The following HSPA4L variants were observed in gnomAD, a reference collection of about 807,000 sequenced individuals.
The protein encoded by HSPA4L is heat shock 70 kDa protein 4L.
Under a neutral mutation model 100.3 loss-of-function variants are expected in HSPA4L, and 48 were observed. That is an observed-to-expected ratio of 0.48 (90% CI 0.38 to 0.61). HSPA4L has a LOEUF of 0.61. HSPA4L is among the 20% of genes least tolerant of loss of function. The pLI, the probability that HSPA4L is intolerant of heterozygous loss-of-function variation, is 0.00. For synonymous variants in HSPA4L, 319 were observed against 328.2 expected (o/e 0.97, Z 0.30); for missense variants, 886 against 988.6 (o/e 0.90, Z 1.39).
chr4:127,803,922 T>C, intron 7 of HSPA4L, 49 bp downstream of exon 7: 1 of 1,607,248 alleles, frequency 6.2e-7, no homozygotes, highest in Non-Finnish European at 8.5e-7. Flanking sequence ...TTTTATAATG[T>C]TTAGATCACG....
rs139412499 is a variant in HSPA4L at position 127,838,899 on chromosome 4, G to A, written c.*6025G>A. 3.3e-4 allele frequency: 50 copies of A among 151,946 alleles called. No homozygotes were observed. Among genetic ancestry groups the A allele is most frequent in the African/African-American group, 1.2e-3 (50 of 41,444 alleles). The allele number at this position is 151,946 out of a possible 1,614,324, so 9.4% of individuals were successfully genotyped here. On this transcript the variant is annotated 3_prime_UTR_variant, in exon 19 of 19. Coordinates refer to ENST00000296464, the MANE Select transcript of HSPA4L (RefSeq NM_014278.4). ...TTCCTTTTTAATATTTATTCTTCCC[G>A]TTAAGGGTTTTTTGGCTATAAATTC...
At position 127,838,331 on chromosome 4, in the gene HSPA4L, C is replaced by T. The variant is rs1009360267; in HGVS notation, c.*5457C>T. 2 of 152,132 alleles carry T rather than the reference C, an allele frequency of 1.3e-5. No homozygotes were observed. The highest frequency in any genetic ancestry group is 6.5e-5 in the Admixed American group (1 of 15,272). 9.4% of individuals were successfully genotyped at this position (152,132 alleles called of 1,614,324 possible). On this transcript the variant is annotated 3_prime_UTR_variant, in exon 19 of 19. Coordinates refer to ENST00000296464, the MANE Select transcript of HSPA4L (RefSeq NM_014278.4). ...AAGTGGGTGATGGCTCTTTCATCTT[C>T]CTTATCCCTAAAGATACTTCCAACA... is the stretch of plus-strand genomic sequence containing the variant.
intron 1 of HSPA4L, among the ~76,000 whole-genome samples, chr4:127,783,152 G>A (rs1239724919): frequency 1.3e-5 from 2 of 150,952 alleles, no homozygotes; most frequent in Non-Finnish European, 2.9e-5. Flanking sequence ...CGTCAGAGAT[G>A]AATTGCAGGT....
In HSPA4L at chr4:127,805,228, T is replaced by C. The variant is rs1317799174; in HGVS notation, c.1137+4T>C. ...TGCAAGAGGATGTGCGTTACAGGTA[T>C]AATTGTTATTTTATTTTTTAGAATA... On this transcript the variant is annotated splice_donor_region_variant and intron_variant, in intron 9 of 18. Coordinates refer to ENST00000296464, the MANE Select transcript of HSPA4L (RefSeq NM_014278.4). The C allele has an allele frequency of 6.3e-7, 1 of 1,589,214 alleles. No individual in the cohort carries two copies. The highest frequency in any genetic ancestry group is 1.1e-5 in the South Asian group (1 of 87,474).
At chr4:127,809,614 G>A in intron 11 of HSPA4L, 1 of 578,546 alleles carries the variant, frequency 1.7e-6, no homozygotes, top group Non-Finnish European at 3.2e-6. Context: ...ATGTGTAAGT[G>A]AAAGCAGAAA....
Position 127,782,400 on chromosome 4 carries a change from C to A in HSPA4L, c.-151C>A. ...CTCTGCTCCTTCCGCGGGTTTCCGA[C>A]TCCCTGCCCTAGATTTTCTGCTTAG... On this transcript the variant is annotated 5_prime_UTR_variant, in exon 1 of 19. Transcript: ENST00000296464. 1.6e-6 allele frequency: 1 copy of A among 642,030 alleles called. No individual in the cohort carries two copies. Among genetic ancestry groups the A allele is most frequent in the African/African-American group, 1.8e-5 (1 of 55,196 alleles). 39.8% of individuals were successfully genotyped at this position (642,030 alleles called of 1,614,324 possible). A position where few individuals can be genotyped will look rare whatever the true frequency, so the allele number is the denominator to read the frequency against.
At position 127,836,367 on chromosome 4, in the gene HSPA4L, A is replaced by AAAAAC. The variant is rs559554757; in HGVS notation, c.*3508_*3512dup. ...GGGCAACAGAGCAAGACTCCATCTC[A>AAAAAC]AAAACAAAACAAAACAAAAACATAA... is the stretch of plus-strand genomic sequence containing the variant. On this transcript the variant is annotated 3_prime_UTR_variant, in exon 19 of 19. Coordinates refer to ENST00000296464, the MANE Select transcript of HSPA4L (RefSeq NM_014278.4). 30 of 160,338 alleles carry AAAAAC rather than the reference A, an allele frequency of 1.9e-4. No individual in the cohort carries two copies. In the East Asian group the frequency reaches 3.8e-3, roughly 20 times the overall value. The allele number at this position is 160,338 out of a possible 1,614,324, so 9.9% of individuals were successfully genotyped here.
At chr4:127,812,811 G>A (rs1408491064) in intron 12 of HSPA4L, 31 of 1,361,216 alleles carry the variant, frequency 2.3e-5, no homozygotes, top group Admixed American at 5.1e-5. Context: ...GAGCAGGCTG[G>A]CGCTTTAGTT....
chr4:127,801,293 T>C lies in HSPA4L; in HGVS notation c.529+56T>C. On this transcript the variant is annotated intron_variant, in intron 5 of 18. Coordinates refer to ENST00000296464, the MANE Select transcript of HSPA4L (RefSeq NM_014278.4). ...AAGCAAAATACTGTTCTAGTTTTTT[T>C]CTAATTATTAACAAAGCATTATTTT... 4 of 1,255,124 alleles carry C rather than the reference T, an allele frequency of 3.2e-6. No individual in the cohort carries two copies. In the South Asian group the frequency reaches 3.9e-5, roughly 12 times the overall value. The allele number at this position is 1,255,124 out of a possible 1,614,324, so 77.7% of individuals were successfully genotyped here.
intron 1 of HSPA4L, among the ~76,000 whole-genome samples, 158 bp downstream of exon 1, chr4:127,782,815 C>T (rs886687087): frequency 1.3e-5 from 2 of 152,014 alleles, no homozygotes; most frequent in African/African-American, 2.4e-5. Flanking sequence ...CCCTAGAGAC[C>T]GCCGGGTGGC....
chr4:127,783,399 A>C, intron 1 of HSPA4L: 1 of 943,920 alleles, frequency 1.1e-6, no homozygotes, highest in Non-Finnish European at 1.4e-6. Context: ...GTGTTTCTGC[A>C]GAGTGAATTG....
rs1274253574 is a variant in HSPA4L, at chr4:127,837,639, G to T, written c.*4765G>T. ...TGCCCAACATTTGATTTAATCTAAA[G>T]CAAGAATATAAAATAATTTTAAGAA... On this transcript the variant is annotated 3_prime_UTR_variant, in exon 19 of 19. Transcript: ENST00000296464. 1.3e-5 allele frequency: 2 copies of T among 152,058 alleles called. No individual in the cohort carries two copies. The highest frequency in any genetic ancestry group is 4.8e-5 in the African/African-American group (2 of 41,406). 9.4% of individuals were successfully genotyped at this position (152,058 alleles called of 1,614,324 possible). A position where few individuals can be genotyped will look rare whatever the true frequency, so the allele number is the denominator to read the frequency against.
chr4:127,827,454 G>A (rs775755961), intron 17 of HSPA4L, 30 bp downstream of exon 17: 10 of 1,612,018 alleles, frequency 6.2e-6, no homozygotes, highest in African/African-American at 1.3e-5. Flanking sequence ...AATTGGTGAC[G>A]ATGGCATGTG....
chr4:127,809,341 A>G, intron 11 of HSPA4L: 1 of 1,137,374 alleles, frequency 8.8e-7, no homozygotes, highest in Non-Finnish European at 1.3e-6. Context: ...GATCACGCTG[A>G]GCCGCAGTAT....
At chr4:127,806,005 C>T (rs1167265453) in intron 10 of HSPA4L, among the ~76,000 whole-genome samples, 1 of 151,912 alleles carries the variant, frequency 6.6e-6, no homozygotes, top group African/African-American at 2.4e-5. Flanking sequence ...AAACAAGGCT[C>T]ATTTTCAAAT....
Position 127,827,440 on chromosome 4 carries a change from A to G in HSPA4L, c.2166+16A>G. The G allele has an allele frequency of 6.2e-7, 1 of 1,613,470 alleles. No individual in the cohort carries two copies. Among genetic ancestry groups the G allele is most frequent in the South Asian group, 1.1e-5 (1 of 91,034 alleles). On this transcript the variant is annotated intron_variant, in intron 17 of 18. Coordinates refer to ENST00000296464, the MANE Select transcript of HSPA4L (RefSeq NM_014278.4). ...TAGAAACAAGGTATTGAATTCATAA[A>G]GCCAATTGGTGACGATGGCATGTGC...
chr4:127,807,913 A>G (rs1202963495), intron 10 of HSPA4L, 83 bp from the exon 11 acceptor site: 3 of 1,354,314 alleles, frequency 2.2e-6, no homozygotes, highest in Admixed American at 2.4e-5. Flanking sequence ...CTGCTAATGA[A>G]TTAAGAATGA....
rs757561713 is a variant in HSPA4L at position 127,822,921 on chromosome 4, G to T, written c.1938+27G>T. The T allele has an allele frequency of 8.1e-6, 13 of 1,604,444 alleles. No individual in the cohort carries two copies. In the African/African-American group the frequency reaches 1.6e-4, roughly 20 times the overall value. ...TAAGTCTAAATTCTGTTAATTTTTT[G>T]TGAGGACTATTTAAAGGTTTACTCG... is the stretch of plus-strand genomic sequence containing the variant. On this transcript the variant is annotated intron_variant, in intron 15 of 18. Transcript: ENST00000296464.
In HSPA4L at chr4:127,822,673, A is replaced by T. The variant is rs182204646; in HGVS notation, c.1813-96A>T. 1.3e-5 allele frequency: 15 copies of T among 1,146,358 alleles called. No homozygotes were observed. In the Admixed American group the frequency reaches 2.6e-4, roughly 20 times the overall value. 71.0% of individuals were successfully genotyped at this position (1,146,358 alleles called of 1,614,324 possible). On this transcript the variant is annotated intron_variant, in intron 14 of 18. Coordinates refer to ENST00000296464, the MANE Select transcript of HSPA4L (RefSeq NM_014278.4). ...ATGAATACTTATTTTTTGTATTGTA[A>T]TCATCCTAGTGAGTGTGAAGTGGTA... is the stretch of plus-strand genomic sequence containing the variant.
Sources: gnomAD v4.1 joint callset for allele counts (sites outside exome capture counted in the v4.1 genomes callset) on GRCh38, gnomAD v4.1.1 for gene constraint, MANE v1.5 for transcripts, NCBI Gene and HGNC (gene_info 2026-07-23, HGNC 2026-07-21) for gene names.